ZNF766: variants seen among roughly 807,000 people sequenced by gnomAD.
ZNF766 encodes zinc finger protein 766.
ZNF766 carries 13 observed loss-of-function variants against 13.2 expected under a neutral mutation model. The observed-to-expected ratio is 0.98, with a 90% CI of 0.64 to 1.56. The LOEUF is 1.56. Among genes scored for constraint, ZNF766 ranks in the 40% most tolerant of loss-of-function variants. The probability of loss-of-function intolerance (pLI) is 0.00; values close to 1 mark genes in which losing one functional copy is unlikely to be tolerated. For synonymous variants in ZNF766, 178 were observed against 187.6 expected (o/e 0.95, Z 0.42); for missense variants, 521 against 552.2 (o/e 0.94, Z 0.57).
intron 1 of ZNF766, among the ~76,000 whole-genome samples, chr19:52,270,867 C>CT (rs1402526423): frequency 1.3e-5 from 2 of 152,126 alleles, no homozygotes; most frequent in African/African-American, 2.4e-5. Flanking sequence ...TCACTGCAAC[C>CT]TTAGCCTCCT....
chr19:52,286,835 AGTTTT>A (rs371384881), intron 3 of ZNF766, among the ~76,000 whole-genome samples: 2 of 151,890 alleles, frequency 1.3e-5, no homozygotes, highest in African/African-American at 4.8e-5. Context: ...ATTGCTCTGC[AGTTTT>A]GTTTTGTTTT....
chr19:52,290,152 C>A lies in ZNF766; in HGVS notation c.361C>A (p.Leu121Met), dbSNP rs764646088. The A allele has an allele frequency of 3.4e-5, 55 of 1,614,010 alleles. No homozygotes were observed. Among genetic ancestry groups the A allele is most frequent in the Non-Finnish European group, 4.0e-5 (47 of 1,179,982 alleles). ...GLTFQLPLPE[L>M]EIFQGEGKIY... The stretch of plus-strand genomic sequence containing the variant: ...AACCTTTCAGTTACCTCTGCCAGAA[C>A]TGGAGATATTTCAAGGTGAAGGGAA... Residue 121 changes from leucine (L) to methionine (M), a missense_variant, in exon 4 of 4, where the codon CTG (leucine) becomes ATG (methionine). Coordinates refer to ENST00000439461, the MANE Select transcript of ZNF766 (RefSeq NM_001010851.3).
chr19:52,281,882 T>A, intron 1 of ZNF766: 1 of 552,684 alleles, frequency 1.8e-6, no homozygotes, highest in South Asian at 1.5e-5. Flanking sequence ...CAGGTAGATA[T>A]TGAATGAAAA....
intron 3 of ZNF766, among the ~76,000 whole-genome samples, chr19:52,287,766 TA>T (rs1981904305): frequency 6.6e-6 from 1 of 152,210 alleles, no homozygotes. Flanking sequence ...TTTTGTTATA[TA>T]ATTGTTGAGT....
intron 1 of ZNF766, 143 bp downstream of exon 1, chr19:52,269,774 G>T: frequency 8.6e-7 from 1 of 1,156,416 alleles, no homozygotes; most frequent in Non-Finnish European, 1.2e-6. Context: ...CCGTCAGAGT[G>T]TTAAAATCGC....
intron 1 of ZNF766, among the ~76,000 whole-genome samples, chr19:52,278,623 C>T (rs746417378): frequency 2.0e-5 from 3 of 152,020 alleles, no homozygotes; most frequent in South Asian, 2.1e-4. Flanking sequence ...AGGCTGGTCT[C>T]GGAACTTCTG....
At chr19:52,286,261 T>C (rs1981820004) in intron 3 of ZNF766, among the ~76,000 whole-genome samples, 1 of 151,782 alleles carries the variant, frequency 6.6e-6, no homozygotes, top group Non-Finnish European at 1.5e-5. Flanking sequence ...GCTTTTTATA[T>C]ATGGACTCTA....
chr19:52,283,604 G>A (rs1981654605), intron 3 of ZNF766, among the ~76,000 whole-genome samples, 191 bp downstream of exon 3: 1 of 152,140 alleles, frequency 6.6e-6, no homozygotes, highest in Non-Finnish European at 1.5e-5. Context: ...GCCTACCAGA[G>A]CCACACTATT....
chr19:52,277,633 A>T, intron 1 of ZNF766: 1 of 1,375,070 alleles, frequency 7.3e-7, no homozygotes, highest in Non-Finnish European at 1.0e-6. Context: ...AGTCTGAAGC[A>T]TCCTGCCTGA....
In ZNF766 at chr19:52,283,409, C is replaced by T. The variant is rs1394162604; in HGVS notation, c.270C>T (p.Asn90=). ...GGTGGGAAGGTATCAAAGATATCAA[C>T]ACAGGTAAGAGCTCAGATGGACAGA... ...PDRWEGIKDI[N]TGRSCAVRSK... The change falls in exon 3 of 4, where the codon AAC becomes AAT. Residue 90 remains asparagine, a synonymous_variant. Coordinates refer to ENST00000439461, the MANE Select transcript of ZNF766 (RefSeq NM_001010851.3). The T allele has an allele frequency of 6.3e-7, 1 of 1,590,294 alleles. No individual in the cohort carries two copies. Among genetic ancestry groups the T allele is most frequent in the Admixed American group, 1.8e-5 (1 of 55,412 alleles).
chr19:52,275,741 T>G (rs2122465791), intron 1 of ZNF766: 1 of 148,752 alleles, frequency 6.7e-6, no homozygotes, highest in African/African-American at 2.5e-5. Flanking sequence ...AGTGCAGTGG[T>G]GTAATCCTGG....
At chr19:52,283,968 C>T (rs1362503334) in intron 3 of ZNF766, among the ~76,000 whole-genome samples, 2 of 152,194 alleles carry the variant, frequency 1.3e-5, no homozygotes, top group Non-Finnish European at 2.9e-5. Flanking sequence ...AATCTCTTGA[C>T]CTCGTGATCC....
intron 3 of ZNF766, chr19:52,285,094 A>G (rs1174644149): frequency 6.6e-6 from 1 of 152,160 alleles, no homozygotes; most frequent in Non-Finnish European, 1.5e-5. Flanking sequence ...TATAGAAACC[A>G]TGGATATGAA....
At chr19:52,273,009 A>G (rs1600193683) in intron 1 of ZNF766, among the ~76,000 whole-genome samples, 5 of 138,316 alleles carry the variant, frequency 3.6e-5, no homozygotes, top group African/African-American at 1.5e-4. Context: ...TTGTAAATAC[A>G]TTAATATATT....
At chr19:52,288,800 TCA>T (rs57124870) in intron 3 of ZNF766, among the ~76,000 whole-genome samples, 12,845 of 151,526 alleles carry the variant, frequency 0.085, 1,190 homozygotes, top group African/African-American at 0.23. Context: ...TTCCTTTATA[TCA>T]AGATATTTCC....
At chr19:52,274,678 T>C (rs1481641431) in intron 1 of ZNF766, 3 of 152,148 alleles carry the variant, frequency 2.0e-5, no homozygotes, top group African/African-American at 4.8e-5. Context: ...AGGTCAGTAG[T>C]GTCAGGAGTG....
rs1982143587 is a variant in ZNF766 at position 52,291,515 on chromosome 19, T to G, written c.*317T>G. 4.5e-6 allele frequency: 1 copy of G among 221,226 alleles called. No homozygotes were observed. The highest frequency in any genetic ancestry group is 5.1e-5 in the Admixed American group (1 of 19,646). 13.7% of individuals were successfully genotyped at this position (221,226 alleles called of 1,614,324 possible). On this transcript the variant is annotated 3_prime_UTR_variant, in exon 4 of 4. Transcript: ENST00000439461. ...GGCTCACACCTGTAATCCTAGCACT[T>G]TGGGAGGTTGAGGCAGGTGGATCAC...
chr19:52,271,805 C>A (rs1333349153), intron 1 of ZNF766, among the ~76,000 whole-genome samples: 1 of 151,952 alleles, frequency 6.6e-6, no homozygotes, highest in South Asian at 2.1e-4. Context: ...ACTAAAAATA[C>A]AAAAATTAGC....
Position 52,290,538 on chromosome 19 carries a change from C to T in ZNF766, c.747C>T (p.Gly249=). The T allele has an allele frequency of 1.9e-6, 3 of 1,614,084 alleles. No homozygotes were observed. The highest frequency in any genetic ancestry group is 2.5e-6 in the Non-Finnish European group (3 of 1,180,000). Residue 249 remains glycine (G), a synonymous_variant, in exon 4 of 4, where the codon GGC becomes GGT. Coordinates refer to ENST00000439461, the MANE Select transcript of ZNF766 (RefSeq NM_001010851.3). ...AACCTTACAAATGTAAAGAGTGTGGCAAGCTCTTCAATCGAATTGCATACC... is the reference window on the plus strand; with the variant it reads ...AACCTTACAAATGTAAAGAGTGTGGTAAGCTCTTCAATCGAATTGCATACC... ...GEKPYKCKEC[G]KLFNRIAYLA...
Sources: allele counts gnomAD v4.1 joint callset (sites outside exome capture counted in the v4.1 genomes callset), GRCh38; gene constraint gnomAD v4.1.1; transcripts MANE v1.5; gene names NCBI Gene and HGNC (gene_info 2026-07-23, HGNC 2026-07-21).